ZDHHC20: variants seen among roughly 807,000 people sequenced by gnomAD.
The protein encoded by ZDHHC20 is zDHHC palmitoyltransferase 20, also known as palmitoyltransferase ZDHHC20.
A neutral mutation model predicts 57.8 loss-of-function variants in ZDHHC20; 43 were observed. The observed-to-expected ratio is 0.74, with a 90% CI of 0.58 to 0.96. ZDHHC20 has a LOEUF of 0.96. Among genes scored for constraint, ZDHHC20 ranks in the 40% least tolerant of loss-of-function variants. The pLI is 0.00. For missense variants in ZDHHC20, 391 were observed against 441.1 expected (o/e 0.89, Z 1.02); for synonymous variants, 157 against 153.0 (o/e 1.03, Z -0.19).
rs1875381841 is a variant in ZDHHC20 at position 21,390,050 on chromosome 13, A to G, written c.727+1672T>C. 3.3e-5 allele frequency: 5 copies of G among 152,244 alleles called. 1 individual carries two copies. Among genetic ancestry groups the G allele is most frequent in the Admixed American group, 3.3e-4 (5 of 15,284 alleles). The allele number at this position is 152,244 out of a possible 1,614,324, so 9.4% of individuals were successfully genotyped here. A position where few individuals can be genotyped will look rare whatever the true frequency, so the allele number is the denominator to read the frequency against. On this transcript the variant is annotated intron_variant, in intron 8 of 12. Transcript: ENST00000400590. ...ATGATGGAACTGGAAGAGAAGGAACAAATCCTCACACTGGAAGCCCACCAT... is the reference window on the plus strand; with the variant it reads ...ATGATGGAACTGGAAGAGAAGGAACGAATCCTCACACTGGAAGCCCACCAT...
intron 11 of ZDHHC20, among the ~76,000 whole-genome samples, chr13:21,380,209 G>C (rs1311163429): frequency 6.6e-6 from 1 of 151,088 alleles, no homozygotes; most frequent in Non-Finnish European, 1.5e-5. Flanking sequence ...TCCGCCTCCC[G>C]GGTTCAAGCG....
intron 1 of ZDHHC20, among the ~76,000 whole-genome samples, chr13:21,434,106 C>G (rs201559249): frequency 9.1e-5 from 13 of 142,746 alleles, no homozygotes; most frequent in African/African-American, 2.5e-4. Context: ...GTGTGTGTGT[C>G]TGTGTGTCTG....
intron 1 of ZDHHC20, among the ~76,000 whole-genome samples, chr13:21,427,356 G>C (rs1379700257): frequency 6.6e-6 from 1 of 152,000 alleles, no homozygotes; most frequent in African/African-American, 2.4e-5. Flanking sequence ...AGTATAGATG[G>C]GATTTGAACT....
intron 1 of ZDHHC20, among the ~76,000 whole-genome samples, chr13:21,440,717 T>C (rs978572161): frequency 6.6e-6 from 1 of 152,206 alleles, no homozygotes; most frequent in African/African-American, 2.4e-5. Flanking sequence ...GCATGAGGTA[T>C]GGACCTGATT....
chr13:21,427,941 T>C (rs8002194), intron 1 of ZDHHC20, among the ~76,000 whole-genome samples: 32,104 of 151,826 alleles, frequency 0.21, 3,696 homozygotes, highest in Non-Finnish European at 0.25. Context: ...TATATATTCC[T>C]ACAACACTTT....
chr13:21,402,915 C>A (rs1877908990), intron 4 of ZDHHC20, 49 bp from the exon 5 acceptor site: 4 of 1,404,242 alleles, frequency 2.8e-6, no homozygotes, highest in Non-Finnish European at 3.9e-6. Context: ...ACAAACTTAA[C>A]TAATTTGACA....
At position 21,459,142 on chromosome 13, in the gene ZDHHC20, G is replaced by A. The variant is rs1435317731; in HGVS notation, c.30C>T (p.Cys10=). Residue 10 remains cysteine, a synonymous_variant, in exon 1 of 13, where the codon TGC becomes TGT. Coordinates refer to ENST00000400590, the MANE Select transcript of ZDHHC20 (RefSeq NM_001330059.2). MAPWTLWRC[C]QRVVGWVPVL... The stretch of plus-strand genomic sequence containing the variant: ...CCGGCACCCAGCCCACGACGCGCTG[G>A]CAGCAGCGCCACAGCGTCCAGGGCG... The A allele has an allele frequency of 6.2e-7, 1 of 1,604,634 alleles. No individual in the cohort carries two copies. The highest frequency in any genetic ancestry group is 1.4e-5 in the African/African-American group (1 of 73,624).
In ZDHHC20 at chr13:21,419,864, G is replaced by A. The variant is rs1880443299; in HGVS notation, c.249+1197C>T. 3.9e-5 allele frequency among the ~76,000 whole-genome samples: 6 copies of A among 152,272 alleles called. No individual in the cohort carries two copies. The South Asian group carries it at 1.2e-3, about 32-fold the overall frequency. Reference sequence around the variant, plus strand: ...TTCACTGCAAAGTTAAATAGAAGTTGATACTATTTTTAAACATATGGTCTA... The same window carrying A: ...TTCACTGCAAAGTTAAATAGAAGTTAATACTATTTTTAAACATATGGTCTA... On this transcript the variant is annotated intron_variant, in intron 3 of 12. Transcript: ENST00000400590.
chr13:21,448,303 C>T (rs1359893560), intron 1 of ZDHHC20, among the ~76,000 whole-genome samples: 2 of 85,154 alleles, frequency 2.3e-5, no homozygotes, highest in Non-Finnish European at 5.9e-5. Flanking sequence ...CCAGCCGCCC[C>T]GTCCGGGAGG....
chr13:21,413,346 A>T (rs1407871032), intron 4 of ZDHHC20, among the ~76,000 whole-genome samples: 1 of 152,142 alleles, frequency 6.6e-6, no homozygotes, highest in African/African-American at 2.4e-5. Context: ...CAGACTTCCA[A>T]ATGACAGTTT....
chr13:21,422,989 T>C (rs1361611325), intron 2 of ZDHHC20, among the ~76,000 whole-genome samples: 1 of 152,224 alleles, frequency 6.6e-6, no homozygotes, highest in Non-Finnish European at 1.5e-5. Flanking sequence ...GTAAGTCTTC[T>C]AAGGTATCAT....
chr13:21,380,093 G>A (rs889816290), intron 11 of ZDHHC20, among the ~76,000 whole-genome samples: 1 of 151,218 alleles, frequency 6.6e-6, no homozygotes, highest in African/African-American at 2.4e-5. Flanking sequence ...GGGATTACAG[G>A]CATGAGCCAC....
intron 7 of ZDHHC20, among the ~76,000 whole-genome samples, chr13:21,393,965 C>G (rs537965755): frequency 6.6e-6 from 1 of 152,226 alleles, no homozygotes; most frequent in Admixed American, 6.5e-5. Flanking sequence ...TGACTTCTAA[C>G]CACCTTCACT....
At chr13:21,382,681 A>G (rs549887005) in intron 10 of ZDHHC20, among the ~76,000 whole-genome samples, 16 of 152,296 alleles carry the variant, frequency 1.1e-4, no homozygotes, top group Middle Eastern at 3.4e-3. Context: ...TGGTTTAACT[A>G]TTAATAAACA....
intron 1 of ZDHHC20, among the ~76,000 whole-genome samples, chr13:21,454,595 A>G (rs1884751779): frequency 1.3e-5 from 2 of 151,440 alleles, no homozygotes; most frequent in South Asian, 2.1e-4. Context: ...TATTAAACCC[A>G]AAGTAAAAGA....
chr13:21,425,505 A>G, intron 2 of ZDHHC20, 147 bp downstream of exon 2: 1 of 519,194 alleles, frequency 1.9e-6, no homozygotes, highest in Non-Finnish European at 3.0e-6. Context: ...CCCCATTACT[A>G]GATCTCCTTT....
At chr13:21,414,180 T>C (rs956929007) in intron 3 of ZDHHC20, among the ~76,000 whole-genome samples, 1 of 151,560 alleles carries the variant, frequency 6.6e-6, no homozygotes, top group Non-Finnish European at 1.5e-5. Flanking sequence ...ATCACAGTCA[T>C]GGGGTCCCGC....
chr13:21,438,403 A>T (rs1002343803), intron 1 of ZDHHC20, among the ~76,000 whole-genome samples: 1 of 152,242 alleles, frequency 6.6e-6, no homozygotes, highest in Admixed American at 6.5e-5. Flanking sequence ...AAGATCATGG[A>T]TGACACTAAA....
At position 21,401,589 on chromosome 13, in the gene ZDHHC20, C is replaced by A. The variant is rs1288757455; in HGVS notation, c.473+64G>T. On this transcript the variant is annotated intron_variant, in intron 6 of 12. Coordinates refer to ENST00000400590, the MANE Select transcript of ZDHHC20 (RefSeq NM_001330059.2). ...AACTGGCCTTCAAAATTTAGGAATA[C>A]TGAAGTTACTCTAAATTCTCTCTCT... The A allele has an allele frequency of 5.5e-6, 8 of 1,462,558 alleles. No homozygotes were observed. The South Asian group carries it at 1.1e-4, about 20-fold the overall frequency. 90.6% of individuals were successfully genotyped at this position (1,462,558 alleles called of 1,614,324 possible). A position where few individuals can be genotyped will look rare whatever the true frequency, so the allele number is the denominator to read the frequency against.
Sources: gnomAD v4.1 joint callset for allele counts (sites outside exome capture counted in the v4.1 genomes callset) on GRCh38, gnomAD v4.1.1 for gene constraint, MANE v1.5 for transcripts, NCBI Gene and HGNC (gene_info 2026-07-23, HGNC 2026-07-21) for gene names.